KANK1: variants seen among roughly 807,000 people sequenced by gnomAD.
KANK1 encodes the protein KN motif and ankyrin repeat domains 1.
In KANK1, 109 loss-of-function variants were observed where a neutral mutation model predicts 106.2. The observed-to-expected ratio is 1.03, with a 90% CI of 0.88 to 1.20. KANK1 has a LOEUF of 1.20. Among genes scored for constraint, KANK1 ranks in the 50% most tolerant of loss-of-function variants. The pLI, the probability that KANK1 is intolerant of heterozygous loss-of-function variation, is 0.00. For missense variants in KANK1, 2,399 were observed against 1,710.7 expected, an observed-to-expected ratio of 1.40 and a Z score of -7.10; for synonymous variants, 873 against 652.2, an observed-to-expected ratio of 1.34 and a Z score of -5.16.
At chr9:579,728 T>C (rs923381272) in intron 1 of KANK1, among the ~76,000 whole-genome samples, 1 of 151,744 alleles carries the variant, frequency 6.6e-6, no homozygotes, top group Non-Finnish European at 1.5e-5. Context: ...AAGAGAGGAG[T>C]AGCTTGCATA....
chr9:601,949 C>A (rs958564174), intron 1 of KANK1, among the ~76,000 whole-genome samples: 6 of 151,780 alleles, frequency 4.0e-5, no homozygotes, highest in Admixed American at 1.3e-4. Flanking sequence ...TTTTTGTCTT[C>A]CATGAGTTTT....
chr9:505,369 C>T (rs1283344999), intron 1 of KANK1, among the ~76,000 whole-genome samples: 6 of 152,038 alleles, frequency 3.9e-5, no homozygotes, highest in Non-Finnish European at 8.8e-5. Flanking sequence ...GGGGCGTGGG[C>T]GCTGCGGCCT....
At chr9:514,332 G>T (rs756639076) in intron 1 of KANK1, among the ~76,000 whole-genome samples, 15 of 140,462 alleles carry the variant, frequency 1.1e-4, no homozygotes, top group South Asian at 2.3e-4. Flanking sequence ...AATAGCTTCA[G>T]GGTAGCCCTT....
chr9:744,008 T>C (rs558161096), intron 10 of KANK1, among the ~76,000 whole-genome samples: 1 of 152,336 alleles, frequency 6.6e-6, no homozygotes, highest in East Asian at 1.9e-4. Context: ...TTCCAGAAGT[T>C]GGATCTGTGC....
At position 743,037 on chromosome 9, in the gene KANK1, G is replaced by C. The variant is rs369056717; in HGVS notation, c.3897+632G>C. On this transcript the variant is annotated intron_variant, in intron 10 of 11. Transcript: ENST00000382297. ...CCTTGACCGGGAAACTCAACCAAAG[G>C]GGGTACTTTTGCGTGTCTCTAGGCC... 9.9e-5 allele frequency among the ~76,000 whole-genome samples: 15 copies of C among 152,272 alleles called. No individual in the cohort carries two copies. The East Asian group carries it at 2.3e-3, about 24-fold the overall frequency.
chr9:620,528 G>C (rs537748144), intron 1 of KANK1, among the ~76,000 whole-genome samples: 1 of 151,790 alleles, frequency 6.6e-6, no homozygotes, highest in African/African-American at 2.4e-5. Flanking sequence ...TCTGCCTCCT[G>C]AGTAGCTGGG....
chr9:721,712 C>T (rs1829390907), intron 3 of KANK1, among the ~76,000 whole-genome samples: 1 of 152,178 alleles, frequency 6.6e-6, no homozygotes, highest in Admixed American at 6.6e-5. Context: ...CAGGTTGGTT[C>T]TACAGGGACT....
In KANK1 at chr9:579,337, G is replaced by C. The variant is rs116208332; in HGVS notation, c.-84+74583G>C. On this transcript the variant is annotated intron_variant, in intron 1 of 11. Transcript: ENST00000382297. The stretch of plus-strand genomic sequence containing the variant: ...TCTAGGAACAAAACAAACTTGGGGA[G>C]GATGTTATCAGGATACTGAAGTCCT... Among the ~76,000 whole-genome samples the C allele has an allele frequency of 2.3e-3, 357 of 152,258 alleles. 3 individuals carry two copies. Among genetic ancestry groups the C allele is most frequent in the African/African-American group, 8.2e-3 (339 of 41,520 alleles).
chr9:640,612 G>T (rs1269155821), intron 1 of KANK1, among the ~76,000 whole-genome samples: 2 of 151,808 alleles, frequency 1.3e-5, no homozygotes, highest in African/African-American at 4.8e-5. Context: ...GGCCAGGCTG[G>T]TCTTGAACTC....
chr9:505,950 C>A (rs1412273697), intron 1 of KANK1, among the ~76,000 whole-genome samples: 1 of 152,182 alleles, frequency 6.6e-6, no homozygotes, highest in Non-Finnish European at 1.5e-5. Context: ...AGCTGTTCAT[C>A]TGCCAGTTTC....
intron 2 of KANK1, among the ~76,000 whole-genome samples, chr9:698,767 C>T (rs1288466544): frequency 2.6e-5 from 4 of 152,134 alleles, no homozygotes; most frequent in Admixed American, 6.5e-5. Flanking sequence ...TTTGTTATAC[C>T]TAGACAAAAA....
intron 1 of KANK1, among the ~76,000 whole-genome samples, chr9:537,891 G>T (rs969421959): frequency 2.6e-5 from 4 of 152,294 alleles, no homozygotes; most frequent in African/African-American, 9.6e-5. Context: ...ACTTATTTTC[G>T]TGTGTCTTAA....
At chr9:624,740 A>G (rs188947709) in intron 1 of KANK1, among the ~76,000 whole-genome samples, 64 of 152,272 alleles carry the variant, frequency 4.2e-4, no homozygotes, top group African/African-American at 1.5e-3. Context: ...TGGAGGGTGC[A>G]GTGAGCTAAG....
chr9:576,497 C>A (rs1004795709), intron 1 of KANK1, among the ~76,000 whole-genome samples: 1 of 152,228 alleles, frequency 6.6e-6, no homozygotes, highest in African/African-American at 2.4e-5. Flanking sequence ...ATATGCTTGT[C>A]ATAGTGTGCT....
chr9:605,184 C>G (rs1355793855), intron 1 of KANK1, among the ~76,000 whole-genome samples: 2 of 150,918 alleles, frequency 1.3e-5, no homozygotes, highest in African/African-American at 4.9e-5. Context: ...GCCTGTAATC[C>G]CAGCTACTTA....
chr9:690,254 C>G (rs187742909), intron 2 of KANK1, among the ~76,000 whole-genome samples: 2 of 148,482 alleles, frequency 1.3e-5, no homozygotes, highest in African/African-American at 5.0e-5. Context: ...TGCAGTGAGC[C>G]GAGATCCCGC....
chr9:625,147 C>T (rs894603528), intron 1 of KANK1, among the ~76,000 whole-genome samples: 5 of 152,222 alleles, frequency 3.3e-5, no homozygotes, highest in African/African-American at 7.2e-5. Context: ...TATTTGGCAG[C>T]GAATTCCTGC....
chr9:510,203 A>G (rs1461794939), intron 1 of KANK1, among the ~76,000 whole-genome samples: 1 of 152,176 alleles, frequency 6.6e-6, no homozygotes, highest in Non-Finnish European at 1.5e-5. Flanking sequence ...GAGGTTGACC[A>G]TGATAACTTC....
At chr9:515,436 A>G (rs2059240188) in intron 1 of KANK1, among the ~76,000 whole-genome samples, 2 of 137,714 alleles carry the variant, frequency 1.5e-5, no homozygotes, top group African/African-American at 3.3e-5. Flanking sequence ...CTGTTTCTCT[A>G]CACATTTATT....
Sources: gnomAD v4.1 joint callset for allele counts (sites outside exome capture counted in the v4.1 genomes callset) on GRCh38, gnomAD v4.1.1 for gene constraint, MANE v1.5 for transcripts, NCBI Gene and HGNC (gene_info 2026-07-23, HGNC 2026-07-21) for gene names.